Variants in PPIG observed in about 807,000 individuals in gnomAD.
PPIG encodes the protein peptidyl-prolyl cis-trans isomerase G.
In PPIG, 26 loss-of-function variants were observed where a neutral mutation model predicts 87.9. The ratio of observed to expected loss-of-function variants is 0.30; its 90% CI spans 0.22 to 0.41. PPIG has a LOEUF of 0.41. Among genes scored for constraint, PPIG ranks in the 10% least tolerant of loss-of-function variants. The pLI, the probability that PPIG is intolerant of heterozygous loss-of-function variation, is 1.00. For missense variants in PPIG, 722 were observed against 879.4 expected (o/e 0.82, Z 2.26); for synonymous variants, 308 against 276.5 (o/e 1.11, Z -1.13).
chr2:169,612,962 C>T (rs1468710628), intron 7 of PPIG, among the ~76,000 whole-genome samples: 1 of 152,122 alleles, frequency 6.6e-6, no homozygotes, highest in Admixed American at 6.6e-5. Context: ...TAGCAATGTA[C>T]AGGAGTTATT....
At chr2:169,604,327 GTTTTTTTTTTTTTTTT>G (rs71006008) in intron 4 of PPIG, 66 bp downstream of exon 4, 12 of 347,452 alleles carry the variant, frequency 3.5e-5, no homozygotes, top group South Asian at 2.0e-4. Flanking sequence ...TGCTTGCTTG[GTTTTTTTTTTTTTTTT>G]TTTTTTTTTT....
intron 1 of PPIG, among the ~76,000 whole-genome samples, chr2:169,602,449 G>A (rs1257862898): frequency 6.6e-6 from 1 of 152,108 alleles, no homozygotes; most frequent in Non-Finnish European, 1.5e-5. Flanking sequence ...CTGAGTAGCT[G>A]GGATTACAGG....
At chr2:169,635,362 G>A (rs182608472) in intron 12 of PPIG, among the ~76,000 whole-genome samples, 1 of 152,182 alleles carries the variant, frequency 6.6e-6, no homozygotes, top group African/African-American at 2.4e-5. Context: ...GCCATGTTTG[G>A]TCTGTCTTCT....
rs1233574329 is a variant in PPIG, at chr2:169,638,302, T to G, written c.*779T>G. 6.6e-6 allele frequency: 1 copy of G among 151,702 alleles called. No individual in the cohort carries two copies. Among genetic ancestry groups the G allele is most frequent in the Non-Finnish European group, 1.5e-5 (1 of 67,878 alleles). The allele number at this position is 151,702 out of a possible 1,614,324, so 9.4% of individuals were successfully genotyped here. On this transcript the variant is annotated 3_prime_UTR_variant, in exon 14 of 14. Transcript: ENST00000260970. ...GTGTTGCTTTTGGTTTGAAGAGTTT[T>G]GGGAACGTTTTAATTATTAATTACC... is the stretch of plus-strand genomic sequence containing the variant.
chr2:169,611,272 G>A, intron 7 of PPIG, among the ~76,000 whole-genome samples: 1 of 152,026 alleles, frequency 6.6e-6, no homozygotes, highest in East Asian at 1.9e-4. Context: ...ACACAGATAA[G>A]ACACACACAC....
At chr2:169,632,875 C>A (rs529321917) in intron 11 of PPIG, among the ~76,000 whole-genome samples, 2 of 151,774 alleles carry the variant, frequency 1.3e-5, no homozygotes, top group East Asian at 3.9e-4. Flanking sequence ...CATAGTGGCT[C>A]ACACCTATAA....
chr2:169,631,815 A>T lies in PPIG; in HGVS notation c.811A>T (p.Thr271Ser), dbSNP rs141536883. ...AAATCTTGAAGCACAACCCCAGTCT[A>T]CTGTCCGTCCAGAAGAGATCCCTCC... ...AENLEAQPQS[T>S]VRPEEIPPIP... Residue 271 changes from threonine to serine, a missense_variant, in exon 11 of 14, where the codon ACT becomes TCT. Physicochemically the swap from Thr to Ser is moderately conservative, Grantham distance 58. Transcript: ENST00000260970. The T allele has an allele frequency of 1.1e-5, 17 of 1,613,792 alleles. No homozygotes were observed. Among genetic ancestry groups the T allele is most frequent in the Non-Finnish European group, 1.4e-5 (17 of 1,179,754 alleles).
chr2:169,621,688 A>G (rs1352412828), intron 9 of PPIG, among the ~76,000 whole-genome samples: 2 of 152,060 alleles, frequency 1.3e-5, no homozygotes, highest in Non-Finnish European at 2.9e-5. Flanking sequence ...TATTCTTCCC[A>G]AGTCATCTAG....
rs561426393 is a variant in PPIG, at chr2:169,621,370, A to G, written c.547+6646A>G. ...CATGTGATGTCAAATAAATATTCAC[A>G]GGTAAGTTATTGCAATAAATTATTG... is the stretch of plus-strand genomic sequence containing the variant. On this transcript the variant is annotated intron_variant, in intron 9 of 13. Transcript: ENST00000260970. 2.0e-5 allele frequency among the ~76,000 whole-genome samples: 3 copies of G among 152,224 alleles called. No homozygotes were observed. In the East Asian group the frequency reaches 5.8e-4, roughly 29 times the overall value.
chr2:169,636,397 T>TAA lies in PPIG; in HGVS notation c.1155-16_1155-15insAA. On this transcript the variant is annotated splice_polypyrimidine_tract_variant and intron_variant, in intron 13 of 13. Coordinates refer to ENST00000260970, the MANE Select transcript of PPIG (RefSeq NM_004792.3). ...TTCCTAATAACATTTCCCCAATTCTTTTTCTTATTTTTTAGGAGTGAGTTG... is the reference window on the plus strand; with the variant it reads ...TTCCTAATAACATTTCCCCAATTCTTAATTTCTTATTTTTTAGGAGTGAGTTG... The TAA allele has an allele frequency of 6.6e-7, 1 of 1,503,772 alleles. No homozygotes were observed. The highest frequency in any genetic ancestry group is 1.3e-5 in the South Asian group (1 of 74,108). 93.2% of individuals were successfully genotyped at this position (1,503,772 alleles called of 1,614,324 possible).
chr2:169,604,720 A>G (rs1685274299), intron 4 of PPIG, among the ~76,000 whole-genome samples: 2 of 151,550 alleles, frequency 1.3e-5, no homozygotes, highest in South Asian at 4.2e-4. Context: ...CTAAAAATAC[A>G]AAAATTAGCC....
chr2:169,631,067 T>C (rs1686038621), intron 10 of PPIG, 80 bp downstream of exon 10: 2 of 1,246,064 alleles, frequency 1.6e-6, no homozygotes. Context: ...GGGTCAATTA[T>C]ATGAAACTGT....
chr2:169,636,230 T>C lies in PPIG; in HGVS notation c.1154+2T>C. Reference sequence around the variant, plus strand: ...TGAAAGATGGATCAAGGGGGATAAGTAAGATTTAACTATTATTATTTCAAA... The same window carrying C: ...TGAAAGATGGATCAAGGGGGATAAGCAAGATTTAACTATTATTATTTCAAA... On this transcript the variant is annotated splice_donor_variant, in intron 13 of 13. Coordinates refer to ENST00000260970, the MANE Select transcript of PPIG (RefSeq NM_004792.3). LOFTEE classifies it high-confidence loss of function. 6.3e-7 allele frequency: 1 copy of C among 1,589,918 alleles called. No homozygotes were observed. The highest frequency in any genetic ancestry group is 8.5e-7 in the Non-Finnish European group (1 of 1,173,196).
At position 169,608,778 on chromosome 2, in the gene PPIG, T is replaced by C; in HGVS notation, c.377+20T>C. ...CTTCATGTAAGTATTTATTATCTGA[T>C]GATTTAAAACATCCCATTTTTGGGC... On this transcript the variant is annotated intron_variant, in intron 7 of 13. Transcript: ENST00000260970. 6.4e-7 allele frequency: 1 copy of C among 1,558,506 alleles called. No homozygotes were observed. The highest frequency in any genetic ancestry group is 1.4e-5 in the African/African-American group (1 of 73,692).
At position 169,636,572 on chromosome 2, in the gene PPIG, C is replaced by A; in HGVS notation, c.1314C>A (p.Ile438=). ...DHKSNSKERD[I]RRNSEKDDKY... ...AATCTAACAGCAAAGAGAGAGACAT[C>A]AGAAGAAATTCAGAAAAAGATGACA... Residue 438 remains isoleucine (I), a synonymous_variant, in exon 14 of 14, where the codon ATC becomes ATA. Coordinates refer to ENST00000260970, the MANE Select transcript of PPIG (RefSeq NM_004792.3). 6.3e-7 allele frequency: 1 copy of A among 1,597,974 alleles called. No homozygotes were observed. The highest frequency in any genetic ancestry group is 8.5e-7 in the Non-Finnish European group (1 of 1,176,138).
chr2:169,634,394 A>G (rs774883939), intron 12 of PPIG, among the ~76,000 whole-genome samples: 13 of 152,108 alleles, frequency 8.5e-5, no homozygotes, highest in African/African-American at 1.2e-4. Flanking sequence ...GTAGTACCTC[A>G]GGGTTCCCAT....
chr2:169,595,101 G>T (rs1431948771), intron 1 of PPIG, among the ~76,000 whole-genome samples: 5 of 151,946 alleles, frequency 3.3e-5, no homozygotes, highest in Non-Finnish European at 5.9e-5. Context: ...GCTCATTTCT[G>T]TATTTTTAGT....
chr2:169,609,436 TGG>T (rs1454180790), intron 7 of PPIG, among the ~76,000 whole-genome samples: 3 of 124,660 alleles, frequency 2.4e-5, no homozygotes, highest in African/African-American at 8.0e-5. Flanking sequence ...GACTCCAGGC[TGG>T]GATTACACAT....
At chr2:169,612,662 G>A (rs1052651418) in intron 7 of PPIG, among the ~76,000 whole-genome samples, 9 of 152,052 alleles carry the variant, frequency 5.9e-5, no homozygotes, top group Middle Eastern at 3.2e-3. Context: ...GATTACAGAC[G>A]TGAGCCACTG....
Sources: allele counts gnomAD v4.1 joint callset (sites outside exome capture counted in the v4.1 genomes callset), GRCh38; gene constraint gnomAD v4.1.1; transcripts MANE v1.5; gene names NCBI Gene and HGNC (gene_info 2026-07-23, HGNC 2026-07-21).